POLN: variants seen among roughly 807,000 people sequenced by gnomAD.
POLN encodes DNA polymerase nu.
A neutral mutation model predicts 113.5 loss-of-function variants in POLN; 108 were observed. The observed-to-expected ratio is 0.95, with a 90% CI of 0.81 to 1.12. The LOEUF (loss-of-function observed/expected upper bound fraction) is 1.12, where lower values mean the gene tolerates loss of function less well. Among genes scored for constraint, POLN ranks in the 50% most tolerant of loss-of-function variants. The pLI is 0.00. For missense variants in POLN, 1,097 were observed against 1,077.1 expected (o/e 1.02, Z -0.26); for synonymous variants, 386 against 391.5 (o/e 0.99, Z 0.17).
chr4:2,182,937 T>C (rs574964244), intron 7 of POLN, among the ~76,000 whole-genome samples: 56 of 152,062 alleles, frequency 3.7e-4, no homozygotes, highest in African/African-American at 1.3e-3. Context: ...TATTAGAATA[T>C]ATAAATAATT....
chr4:2,116,133 C>G (rs1274367874), intron 19 of POLN, among the ~76,000 whole-genome samples: 2 of 152,188 alleles, frequency 1.3e-5, no homozygotes, highest in Admixed American at 6.5e-5. Context: ...GATTTCTTCT[C>G]TCAGCTCTCC....
intron 2 of POLN, chr4:2,236,178 A>C: frequency 9.0e-7 from 1 of 1,115,750 alleles, no homozygotes; most frequent in Non-Finnish European, 1.3e-6. Flanking sequence ...TATCTTTTAC[A>C]ACAAGCATTT....
chr4:2,240,631 C>T (rs757593950), intron 2 of POLN: 2 of 1,613,506 alleles, frequency 1.2e-6, no homozygotes, highest in South Asian at 1.1e-5. Flanking sequence ...AGAGTTTGAA[C>T]CTCATCCTCT....
chr4:2,215,309 A>C (rs1177516800), intron 3 of POLN, among the ~76,000 whole-genome samples: 1 of 152,100 alleles, frequency 6.6e-6, no homozygotes, highest in East Asian at 1.9e-4. Flanking sequence ...ATAATGACCA[A>C]ATCTCCCCGC....
chr4:2,182,844 T>C lies in POLN; in HGVS notation c.1022-3379A>G, dbSNP rs185974639. On this transcript the variant is annotated intron_variant, in intron 7 of 25. Transcript: ENST00000511885. ...TTTCCTTAAAAAAAAAAAAGTGTGC[T>C]TCAAAGGACATCAAGAAACTAAAAA... Among the ~76,000 whole-genome samples the C allele has an allele frequency of 2.1e-3, 311 of 151,224 alleles. 2 individuals carry two copies. Among genetic ancestry groups the C allele is most frequent in the Middle Eastern group, 6.8e-3 (2 of 292 alleles).
intron 7 of POLN, 146 bp downstream of exon 7, chr4:2,193,058 C>A: frequency 1.7e-6 from 1 of 592,518 alleles, no homozygotes; most frequent in South Asian, 2.4e-5. Flanking sequence ...CCTCCCCATG[C>A]CTAGGGCCCA....
At chr4:2,229,713 T>G (rs1335758099) in intron 2 of POLN, 1 of 152,138 alleles carries the variant, frequency 6.6e-6, no homozygotes, top group African/African-American at 2.4e-5. Context: ...TCCCAGCTAC[T>G]CGGGAGGCCT....
chr4:2,184,716 G>A (rs1237700527), intron 7 of POLN, among the ~76,000 whole-genome samples: 2 of 152,140 alleles, frequency 1.3e-5, no homozygotes, highest in East Asian at 3.8e-4. Context: ...CAGGTCTAGA[G>A]CAGGAAATGC....
At chr4:2,199,948 T>C (rs1733670882) in intron 5 of POLN, among the ~76,000 whole-genome samples, 1 of 152,004 alleles carries the variant, frequency 6.6e-6, no homozygotes, top group Non-Finnish European at 1.5e-5. Flanking sequence ...ACCAGCAAAA[T>C]GCCTTTAAAA....
intron 13 of POLN, among the ~76,000 whole-genome samples, chr4:2,167,235 C>G (rs755477728): frequency 6.6e-6 from 1 of 152,206 alleles, no homozygotes; most frequent in Non-Finnish European, 1.5e-5. Flanking sequence ...AAGCAACTCC[C>G]AGAAATGATG....
chr4:2,128,002 C>CA (rs541067204), intron 19 of POLN, 111 bp downstream of exon 19: 6 of 712,386 alleles, frequency 8.4e-6, no homozygotes, highest in Admixed American at 5.7e-5. Flanking sequence ...CTATTAGCCA[C>CA]AAAAAATATA....
intron 13 of POLN, among the ~76,000 whole-genome samples, chr4:2,159,929 G>A (rs1732535987): frequency 6.6e-6 from 1 of 152,144 alleles, no homozygotes; most frequent in Non-Finnish European, 1.5e-5. Context: ...GGGCTATTAT[G>A]AATAATGCTG....
At chr4:2,115,224 A>T (rs1353992330) in intron 19 of POLN, among the ~76,000 whole-genome samples, 12 of 93,306 alleles carry the variant, frequency 1.3e-4, no homozygotes, top group South Asian at 3.5e-4. Context: ...ATATATATAT[A>T]TATATTTTTT....
intron 2 of POLN, chr4:2,239,158 CTAATT>C: frequency 1.9e-6 from 1 of 539,004 alleles, no homozygotes; most frequent in Non-Finnish European, 3.1e-6. Context: ...TGAATGAAAA[CTAATT>C]TAATATTCAT....
intron 4 of POLN, among the ~76,000 whole-genome samples, chr4:2,211,119 TGGGC>T: frequency 6.8e-6 from 1 of 146,720 alleles, no homozygotes; most frequent in East Asian, 2.1e-4. Flanking sequence ...GGTGTGGTGG[TGGGC>T]ACCTGTAATC....
intron 3 of POLN, among the ~76,000 whole-genome samples, chr4:2,223,016 G>C (rs1734298752): frequency 1.3e-5 from 2 of 152,208 alleles, no homozygotes; most frequent in East Asian, 3.8e-4. Context: ...CTGAGACTGA[G>C]ATTTGTCAGC....
At chr4:2,186,489 G>A (rs1165535589) in intron 7 of POLN, among the ~76,000 whole-genome samples, 1 of 152,132 alleles carries the variant, frequency 6.6e-6, no homozygotes, top group African/African-American at 2.4e-5. Flanking sequence ...TTCCTCATCA[G>A]GGATGGGGAG....
At chr4:2,094,983 C>T (rs1019840786) in intron 20 of POLN, among the ~76,000 whole-genome samples, 1 of 152,104 alleles carries the variant, frequency 6.6e-6, no homozygotes, top group African/African-American at 2.4e-5. Context: ...CAAAGAAGAA[C>T]TGATCACAGG....
At chr4:2,084,403 T>C (rs1419031137) in intron 21 of POLN, among the ~76,000 whole-genome samples, 1 of 152,198 alleles carries the variant, frequency 6.6e-6, no homozygotes, top group Non-Finnish European at 1.5e-5. Context: ...GCGGCTCTGT[T>C]CTTCTCAGAC....
Sources: allele counts gnomAD v4.1 joint callset (sites outside exome capture counted in the v4.1 genomes callset), GRCh38; gene constraint gnomAD v4.1.1; transcripts MANE v1.5; gene names NCBI Gene and HGNC (gene_info 2026-07-23, HGNC 2026-07-21).